GDPGP1: variants seen among roughly 807,000 people sequenced by gnomAD.
The protein encoded by GDPGP1 is GDP-D-glucose phosphorylase 1.
GDPGP1 carries 18 observed loss-of-function variants against 19.2 expected under a neutral mutation model. The ratio of observed to expected loss-of-function variants is 0.94; its 90% confidence interval spans 0.65 to 1.39. The LOEUF is 1.39. Ranked by LOEUF, GDPGP1 falls within the 40% of genes most tolerant of loss-of-function variation. The pLI, the probability that GDPGP1 is intolerant of heterozygous loss-of-function variation, is 0.00. For synonymous variants in GDPGP1, 219 were observed against 208.9 expected, an observed-to-expected ratio of 1.05 and a Z score of -0.42; for missense variants, 449 against 490.5, an observed-to-expected ratio of 0.92 and a Z score of 0.80.
chr15:90,242,045 G>T lies in GDPGP1; in HGVS notation c.1137G>T (p.Leu379=). The change falls in exon 4 of 4, where the codon CTG becomes CTT. Residue 379 remains leucine, a synonymous_variant. Coordinates refer to ENST00000329600, the MANE Select transcript of GDPGP1 (RefSeq NM_001013657.3). ...AEDVQAALVA[L]MSQEEQ ...ACGTACAGGCAGCACTGGTGGCCCT[G>T]ATGTCCCAGGAAGAGCAATAATACT... 6.2e-7 allele frequency: 1 copy of T among 1,606,164 alleles called. No homozygotes were observed. The highest frequency in any genetic ancestry group is 8.5e-7 in the Non-Finnish European group (1 of 1,176,524).
chr15:90,239,718 A>G (rs1415295359), intron 3 of GDPGP1, among the ~76,000 whole-genome samples: 1 of 152,130 alleles, frequency 6.6e-6, no homozygotes, highest in Non-Finnish European at 1.5e-5. Context: ...CTATCTATCT[A>G]TTTTTTTGAG....
At position 90,242,035 on chromosome 15, in the gene GDPGP1, T is replaced by A; in HGVS notation, c.1127T>A (p.Leu376Gln). Residue 376 changes from leucine to glutamine, a missense_variant, in exon 4 of 4, where the codon CTG becomes CAG. Physicochemically the swap from Leu to Gln is moderately radical, Grantham distance 113. Coordinates refer to ENST00000329600, the MANE Select transcript of GDPGP1 (RefSeq NM_001013657.3). ...PSQAEDVQAALVALMSQEEQ is the reference protein window; with the variant it reads ...PSQAEDVQAAQVALMSQEEQ ...CAGGCAGAAGACGTACAGGCAGCAC[T>A]GGTGGCCCTGATGTCCCAGGAAGAG... The A allele has an allele frequency of 6.2e-7, 1 of 1,611,038 alleles. No homozygotes were observed. Among genetic ancestry groups the A allele is most frequent in the Non-Finnish European group, 8.5e-7 (1 of 1,178,450 alleles).
intron 2 of GDPGP1, chr15:90,236,051 T>A (rs1375288850): frequency 6.6e-6 from 1 of 152,204 alleles, no homozygotes; most frequent in African/African-American, 2.4e-5. Context: ...GTCTTCTTTT[T>A]TTTTGAGACA....
Position 90,241,146 on chromosome 15 carries a change from C to G in GDPGP1, c.238C>G (p.Leu80Val). ...RVELGLFRYR[L>V]RELQTQILPG... ...GGAGCTGGGGCTGTTTCGCTACCGTCTACGGGAGCTACAGACCCAAATCCT... is the reference window on the plus strand; with the variant it reads ...GGAGCTGGGGCTGTTTCGCTACCGTGTACGGGAGCTACAGACCCAAATCCT... Residue 80 changes from leucine to valine, a missense_variant, in exon 4 of 4, where the codon CTA becomes GTA. Transcript: ENST00000329600. 1 of 1,614,182 alleles carries G rather than the reference C, an allele frequency of 6.2e-7. No individual in the cohort carries two copies. The highest frequency in any genetic ancestry group is 1.1e-5 in the South Asian group (1 of 91,088).
At position 90,241,298 on chromosome 15, in the gene GDPGP1, G is replaced by C; in HGVS notation, c.390G>C (p.Arg130=). 1.2e-6 allele frequency: 2 copies of C among 1,614,192 alleles called. No homozygotes were observed. The highest frequency in any genetic ancestry group is 1.7e-6 in the Non-Finnish European group (2 of 1,180,034). ...DPVQFNFNKI[R]PGEVLFRLHR... ...TACAGTTCAACTTCAACAAGATCCG[G>C]CCCGGAGAAGTCCTCTTCCGTTTGC... The change falls in exon 4 of 4, where the codon CGG becomes CGC. Residue 130 remains arginine, a synonymous_variant. Coordinates refer to ENST00000329600, the MANE Select transcript of GDPGP1 (RefSeq NM_001013657.3).
At position 90,237,283 on chromosome 15, in the gene GDPGP1, C is replaced by CTTTT. The variant is rs35595704; in HGVS notation, c.-66-1195_-66-1192dup. 3.9e-3 allele frequency among the ~76,000 whole-genome samples: 441 copies of CTTTT among 113,234 alleles called. 17 individuals carry two copies. The highest frequency in any genetic ancestry group is 0.012 in the South Asian group (42 of 3,454). The allele number at this position is 113,234 out of a possible 152,430, so 74.3% of individuals were successfully genotyped here. A position where few individuals can be genotyped will look rare whatever the true frequency, so the allele number is the denominator to read the frequency against. On this transcript the variant is annotated intron_variant, in intron 2 of 3. Transcript: ENST00000329600. ...CTTTATTGTAATTTTCTTTTTTTCC[C>CTTTT]TTTTTTTTTTTTTTTTTGAGATGGA...
In GDPGP1 at chr15:90,243,476, A is replaced by G. The variant is rs1567073942; in HGVS notation, c.*1410A>G. 6.6e-6 allele frequency: 1 copy of G among 150,990 alleles called. No individual in the cohort carries two copies. The highest frequency in any genetic ancestry group is 2.1e-4 in the South Asian group (1 of 4,770). The allele number at this position is 150,990 out of a possible 1,614,324, so 9.4% of individuals were successfully genotyped here. On this transcript the variant is annotated 3_prime_UTR_variant, in exon 4 of 4. Coordinates refer to ENST00000329600, the MANE Select transcript of GDPGP1 (RefSeq NM_001013657.3). The stretch of plus-strand genomic sequence containing the variant: ...ACCCTCCCACCTCAGCCCCCTGAGT[A>G]GCTGGGACGATAGGTGTGCACCATC...
At chr15:90,237,986 T>C (rs1292381551) in intron 2 of GDPGP1, among the ~76,000 whole-genome samples, 3 of 152,194 alleles carry the variant, frequency 2.0e-5, no homozygotes, top group Non-Finnish European at 4.4e-5. Flanking sequence ...CAGCTCCAGC[T>C]CAAAGGATTA....
intron 2 of GDPGP1, among the ~76,000 whole-genome samples, chr15:90,236,826 A>G (rs1962645772): frequency 6.6e-6 from 1 of 151,860 alleles, no homozygotes; most frequent in African/African-American, 2.4e-5. Flanking sequence ...CCGGCCTCTC[A>G]TGGTAGATTA....
At chr15:90,238,885 T>G (rs1310912847) in intron 3 of GDPGP1, among the ~76,000 whole-genome samples, 1 of 152,184 alleles carries the variant, frequency 6.6e-6, no homozygotes, top group Non-Finnish European at 1.5e-5. Flanking sequence ...GCCATGGGAA[T>G]TTGAGACCAC....
rs1190513265 is a variant in GDPGP1, at chr15:90,244,759, CAGT to C, written c.*2694_*2696del. ...ACTTGAACCCAGGAGGCGGAGGTTGCAGTGAGCTGAGATTGCACGACTGTACTC... is the reference window on the plus strand; with the variant it reads ...ACTTGAACCCAGGAGGCGGAGGTTGCGAGCTGAGATTGCACGACTGTACTC... On this transcript the variant is annotated 3_prime_UTR_variant, in exon 4 of 4. Coordinates refer to ENST00000329600, the MANE Select transcript of GDPGP1 (RefSeq NM_001013657.3). 1 of 152,270 alleles carries C rather than the reference CAGT, an allele frequency of 6.6e-6. No individual in the cohort carries two copies. The highest frequency in any genetic ancestry group is 1.5e-5 in the Non-Finnish European group (1 of 68,160). The allele number at this position is 152,270 out of a possible 1,614,324, so 9.4% of individuals were successfully genotyped here.
In GDPGP1 at chr15:90,244,916, T is replaced by G. The variant is rs1459246144; in HGVS notation, c.*2850T>G. ...AACATCCTGAAGGAATGAGAGTCCC[T>G]GTTCACAGCGTAAGGGTGAAAGGGG... On this transcript the variant is annotated 3_prime_UTR_variant, in exon 4 of 4. Transcript: ENST00000329600. The G allele has an allele frequency of 6.6e-6, 1 of 152,206 alleles. No individual in the cohort carries two copies. The highest frequency in any genetic ancestry group is 2.4e-5 in the African/African-American group (1 of 41,440). The allele number at this position is 152,206 out of a possible 1,614,324, so 9.4% of individuals were successfully genotyped here.
At chr15:90,238,267 T>C (rs1276053669) in intron 2 of GDPGP1, among the ~76,000 whole-genome samples, 1 of 152,218 alleles carries the variant, frequency 6.6e-6, no homozygotes, top group African/African-American at 2.4e-5. Flanking sequence ...GCCACTGCAC[T>C]GCAGCCTGGC....
At position 90,245,778 on chromosome 15, in the gene GDPGP1, G is replaced by T. The variant is rs1476987592; in HGVS notation, c.*3712G>T. 1 of 152,098 alleles carries T rather than the reference G, an allele frequency of 6.6e-6. No individual in the cohort carries two copies. The highest frequency in any genetic ancestry group is 2.4e-5 in the African/African-American group (1 of 41,408). 9.4% of individuals were successfully genotyped at this position (152,098 alleles called of 1,614,324 possible). On this transcript the variant is annotated 3_prime_UTR_variant, in exon 4 of 4. Transcript: ENST00000329600. ...TCAAATATGTTTCTCCATATAAAAAGGGGAAAGTAAAATGGGTTTTCTTTC... is the reference window on the plus strand; with the variant it reads ...TCAAATATGTTTCTCCATATAAAAATGGGAAAGTAAAATGGGTTTTCTTTC...
rs551056244 is a variant in GDPGP1 at position 90,240,916 on chromosome 15, T to G, written c.8T>G (p.Leu3Arg). 7.4e-6 allele frequency: 12 copies of G among 1,612,804 alleles called. No individual in the cohort carries two copies. In the East Asian group the frequency reaches 1.3e-4, roughly 18 times the overall value. ...CTATTTCAGGTCAGCTCTATGGCTC[T>G]TCCACATGATTCAAACGAAACTTCC... MALPHDSNETSYL... is the reference protein window; with the variant it reads MARPHDSNETSYL... The change falls in exon 4 of 4, where the codon CTT (leucine) becomes CGT (arginine). Residue 3 changes from leucine to arginine, a missense_variant. Leu to Arg is a moderately radical substitution (Grantham distance 102, BLOSUM62 -2). Coordinates refer to ENST00000329600, the MANE Select transcript of GDPGP1 (RefSeq NM_001013657.3).
At position 90,235,182 on chromosome 15, in the gene GDPGP1, C is replaced by T. The variant is rs555440383; in HGVS notation, c.-67+586C>T. Among the ~76,000 whole-genome samples, 1,467 of 152,256 alleles carry T rather than the reference C, an allele frequency of 9.6e-3. 29 individuals carry two copies. Among genetic ancestry groups the T allele is most frequent in the African/African-American group, 0.034 (1,396 of 41,530 alleles). ...CTGACTCCCTAGACTGCCTAGGAAT[C>T]TACTTTACACTGGAAGAATACCCAG... On this transcript the variant is annotated intron_variant, in intron 2 of 3. Transcript: ENST00000329600.
chr15:90,235,452 T>A (rs545699594), intron 2 of GDPGP1, among the ~76,000 whole-genome samples: 5 of 152,186 alleles, frequency 3.3e-5, no homozygotes, highest in Non-Finnish European at 7.4e-5. Flanking sequence ...AGCTGGAGGT[T>A]GCAGTGAGCG....
Position 90,241,356 on chromosome 15 carries a change from CAAG to C in GDPGP1, c.453_455del (p.Glu151del), listed in dbSNP as rs1170523969. 2 of 1,614,210 alleles carry C rather than the reference CAAG, an allele frequency of 1.2e-6. No individual in the cohort carries two copies. The highest frequency in any genetic ancestry group is 2.7e-5 in the African/African-American group (2 of 75,068). ...GCCTGATCTCCCTGGGACTCTGCTG[CAAG>C]AAGACATCCTGGTGGTGATCAACGT... On this transcript the variant is annotated inframe_deletion, in exon 4 of 4. Transcript: ENST00000329600.
chr15:90,242,050 C>A lies in GDPGP1; in HGVS notation c.1142C>A (p.Ser381Tyr). ...CAGGCAGCACTGGTGGCCCTGATGT[C>A]CCAGGAAGAGCAATAATACTTCTGG... ...DVQAALVALM[S>Y]QEEQ The change falls in exon 4 of 4, where the codon TCC becomes TAC. Residue 381 changes from serine (S) to tyrosine (Y), a missense_variant. Physicochemically the swap from Ser to Tyr is moderately radical, Grantham distance 144. Coordinates refer to ENST00000329600, the MANE Select transcript of GDPGP1 (RefSeq NM_001013657.3). The A allele has an allele frequency of 6.2e-7, 1 of 1,604,964 alleles. No homozygotes were observed. The highest frequency in any genetic ancestry group is 8.5e-7 in the Non-Finnish European group (1 of 1,175,830).
Sources: allele counts gnomAD v4.1 joint callset (sites outside exome capture counted in the v4.1 genomes callset), GRCh38; gene constraint gnomAD v4.1.1; transcripts MANE v1.5; gene names NCBI Gene and HGNC (gene_info 2026-07-23, HGNC 2026-07-21).